Variants in ARFIP1 observed in about 807,000 individuals in gnomAD.
ARFIP1 encodes ARF interacting protein 1.
ARFIP1 carries 24 observed loss-of-function variants against 42.5 expected under a neutral mutation model. That is an observed-to-expected ratio of 0.57 (90% confidence interval 0.41 to 0.80). The LOEUF is 0.80. Among genes scored for constraint, ARFIP1 ranks in the 30% least tolerant of loss-of-function variants. The pLI is 0.00. For missense variants in ARFIP1, 354 were observed against 434.0 expected, an observed-to-expected ratio of 0.82 and a Z score of 1.64; for synonymous variants, 141 against 153.7, an observed-to-expected ratio of 0.92 and a Z score of 0.61.
intron 1 of ARFIP1, among the ~76,000 whole-genome samples, chr4:152,780,608 G>A (rs1730430014): frequency 6.6e-6 from 1 of 152,094 alleles, no homozygotes; most frequent in Non-Finnish European, 1.5e-5. Context: ...TCTTCTCCCT[G>A]CATCCCCAGC....
chr4:152,854,066 C>A (rs944696320), intron 2 of ARFIP1, among the ~76,000 whole-genome samples: 6 of 151,954 alleles, frequency 3.9e-5, no homozygotes, highest in Non-Finnish European at 8.8e-5. Context: ...GCACGTGCCA[C>A]CACACCCAGC....
At chr4:152,850,302 A>C (rs560090531) in intron 2 of ARFIP1, among the ~76,000 whole-genome samples, 1 of 152,334 alleles carries the variant, frequency 6.6e-6, no homozygotes, top group South Asian at 2.1e-4. Flanking sequence ...TTGCTAACTG[A>C]ACATCTATAA....
At chr4:152,886,800 A>G (rs371468496) in intron 7 of ARFIP1, among the ~76,000 whole-genome samples, 3 of 151,962 alleles carry the variant, frequency 2.0e-5, no homozygotes, top group African/African-American at 4.8e-5. Context: ...GAACGTGGAA[A>G]GTGCTCACTT....
chr4:152,898,068 C>T (rs2149906690), intron 8 of ARFIP1, among the ~76,000 whole-genome samples: 1 of 149,310 alleles, frequency 6.7e-6, no homozygotes, highest in Middle Eastern at 3.5e-3. Context: ...ACTGCAACCT[C>T]CGCCTCCCGG....
chr4:152,853,149 A>G (rs1381951221), intron 2 of ARFIP1, among the ~76,000 whole-genome samples: 1 of 152,116 alleles, frequency 6.6e-6, no homozygotes, highest in East Asian at 1.9e-4. Flanking sequence ...GTTATTTTGT[A>G]TAATCTTTGT....
intron 3 of ARFIP1, among the ~76,000 whole-genome samples, chr4:152,869,448 C>CTTTT (rs200886609): frequency 4.1e-5 from 6 of 147,006 alleles, no homozygotes; most frequent in African/African-American, 7.5e-5. Context: ...TTCTTTCTTT[C>CTTTT]TTTCTTTTTT....
At chr4:152,799,629 G>A (rs1043540397) in intron 1 of ARFIP1, among the ~76,000 whole-genome samples, 2 of 152,240 alleles carry the variant, frequency 1.3e-5, no homozygotes, top group Non-Finnish European at 2.9e-5. Flanking sequence ...ATTTGGCAAA[G>A]CAGTGTTGTA....
Position 152,825,194 on chromosome 4 carries a change from G to GA in ARFIP1, c.-9-4422dup, listed in dbSNP as rs1021310495. Among the ~76,000 whole-genome samples, 12 of 150,822 alleles carry GA rather than the reference G, an allele frequency of 8.0e-5. No homozygotes were observed. The South Asian group carries it at 8.4e-4, about 11-fold the overall frequency. On this transcript the variant is annotated intron_variant, in intron 1 of 8. Coordinates refer to ENST00000353617, the MANE Select transcript of ARFIP1 (RefSeq NM_001025595.3). ...ATCAGCATAATTTTTCACAGAATTAGAAAAAAAAATCCTAAAATTCATATG... is the reference window on the plus strand; with the variant it reads ...ATCAGCATAATTTTTCACAGAATTAGAAAAAAAAAATCCTAAAATTCATATG...
intron 1 of ARFIP1, among the ~76,000 whole-genome samples, chr4:152,791,082 A>G (rs1471423031): frequency 1.3e-5 from 2 of 152,146 alleles, no homozygotes; most frequent in Non-Finnish European, 2.9e-5. Context: ...ATTTATCAAT[A>G]TGTAAAAGAA....
In ARFIP1 at chr4:152,815,838, G is replaced by A. The variant is rs565729669; in HGVS notation, c.-9-13787G>A. Among the ~76,000 whole-genome samples the A allele has an allele frequency of 4.3e-3, 633 of 148,004 alleles. 3 individuals carry two copies. The highest frequency in any genetic ancestry group is 0.015 in the African/African-American group (590 of 39,938). On this transcript the variant is annotated intron_variant, in intron 1 of 8. Coordinates refer to ENST00000353617, the MANE Select transcript of ARFIP1 (RefSeq NM_001025595.3). Reference sequence around the variant, plus strand: ...CGGCTCACTGCAAGCTCCGCCTCCCGGGTTCACGCCATTCTCCTGCCTCAG... The same window carrying A: ...CGGCTCACTGCAAGCTCCGCCTCCCAGGTTCACGCCATTCTCCTGCCTCAG...
chr4:152,897,061 C>A (rs926622973), intron 8 of ARFIP1, among the ~76,000 whole-genome samples: 2 of 152,162 alleles, frequency 1.3e-5, no homozygotes, highest in Non-Finnish European at 2.9e-5. Context: ...TTTAAACACA[C>A]ATGGAAGAGG....
At chr4:152,887,950 C>G (rs1360258393) in intron 7 of ARFIP1, among the ~76,000 whole-genome samples, 183 bp from the exon 8 acceptor site, 3 of 151,974 alleles carry the variant, frequency 2.0e-5, no homozygotes, top group African/African-American at 7.2e-5. Flanking sequence ...CAGCTTTGTT[C>G]TTATTTAAAT....
At chr4:152,785,981 A>G (rs893661394) in intron 1 of ARFIP1, among the ~76,000 whole-genome samples, 1 of 152,204 alleles carries the variant, frequency 6.6e-6, no homozygotes, top group African/African-American at 2.4e-5. Context: ...ACATGATATG[A>G]TGTGATACAT....
intron 8 of ARFIP1, among the ~76,000 whole-genome samples, chr4:152,894,360 A>G (rs1737133014): frequency 6.6e-6 from 1 of 152,224 alleles, no homozygotes; most frequent in Non-Finnish European, 1.5e-5. Context: ...CAGAATTTAA[A>G]AAATAGATAC....
chr4:152,910,135 G>C lies in ARFIP1; in HGVS notation c.1038G>C (p.Lys346Asn). The C allele has an allele frequency of 1.2e-6, 2 of 1,614,160 alleles. No individual in the cohort carries two copies. Among genetic ancestry groups the C allele is most frequent in the Non-Finnish European group, 1.7e-6 (2 of 1,180,006 alleles). The change falls in exon 9 of 9, where the codon AAG becomes AAC. Residue 346 changes from lysine (K) to asparagine (N), a missense_variant. Physicochemically the swap from Lys to Asn is moderately conservative, Grantham distance 94 (BLOSUM62 0). Transcript: ENST00000353617. ...AIAAYFAGNQ[K>N]QLEQTLKQFH... ...CCGCTTACTTTGCTGGGAATCAGAA[G>C]CAGCTTGAACAGACACTTAAACAGT...
rs1214761099 is a variant in ARFIP1 at position 152,779,957 on chromosome 4, C to T, written c.-279C>T. 6.6e-6 allele frequency: 1 copy of T among 152,522 alleles called. No homozygotes were observed. Among genetic ancestry groups the T allele is most frequent in the Non-Finnish European group, 1.5e-5 (1 of 68,292 alleles). The allele number at this position is 152,522 out of a possible 1,614,324, so 9.4% of individuals were successfully genotyped here. A position where few individuals can be genotyped will look rare whatever the true frequency, so the allele number is the denominator to read the frequency against. ...CAGGGACAACGCTACTTCCGGTCTC[C>T]TCACTTCCGGCTTCGCTGCTCTTGG... On this transcript the variant is annotated 5_prime_UTR_variant, in exon 1 of 9. Coordinates refer to ENST00000353617, the MANE Select transcript of ARFIP1 (RefSeq NM_001025595.3).
intron 2 of ARFIP1, among the ~76,000 whole-genome samples, chr4:152,833,908 T>C (rs1731442502): frequency 6.6e-6 from 1 of 151,974 alleles, no homozygotes; most frequent in African/African-American, 2.4e-5. Flanking sequence ...AAGAAATACC[T>C]GAGGCTAGGT....
At chr4:152,888,060 C>A in intron 7 of ARFIP1, 73 bp from the exon 8 acceptor site, 2 of 1,209,466 alleles carry the variant, frequency 1.7e-6, no homozygotes, top group East Asian at 2.4e-5. Flanking sequence ...CTGAATATTA[C>A]GTATTTCCAA....
intron 1 of ARFIP1, among the ~76,000 whole-genome samples, chr4:152,806,265 G>C (rs776385720): frequency 2.0e-4 from 31 of 152,218 alleles, no homozygotes; most frequent in Non-Finnish European, 4.0e-4. Flanking sequence ...TTTCTAGTGA[G>C]AGAGTATTAG....
Sources: gnomAD v4.1 joint callset for allele counts (sites outside exome capture counted in the v4.1 genomes callset) on GRCh38, gnomAD v4.1.1 for gene constraint, MANE v1.5 for transcripts, NCBI Gene and HGNC (gene_info 2026-07-23, HGNC 2026-07-21) for gene names.